PRKCE: variants seen among roughly 807,000 people sequenced by gnomAD.
PRKCE encodes protein kinase C epsilon type.
Under a neutral mutation model 85.4 loss-of-function variants are expected in PRKCE, and 16 were observed. That is an observed-to-expected ratio of 0.19 (90% confidence interval 0.13 to 0.28). PRKCE has a LOEUF of 0.28. Among genes scored for constraint, PRKCE ranks in the 10% least tolerant of loss-of-function variants. PRKCE has a pLI of 1.00. For synonymous variants in PRKCE, 388 were observed against 371.5 expected, an observed-to-expected ratio of 1.04 and a Z score of -0.51; for missense variants, 573 against 975.2, an observed-to-expected ratio of 0.59 and a Z score of 5.49.
At chr2:45,795,097 C>A (rs1687329170) in intron 1 of PRKCE, among the ~76,000 whole-genome samples, 1 of 152,142 alleles carries the variant, frequency 6.6e-6, no homozygotes, top group Non-Finnish European at 1.5e-5. Context: ...TTCTTGAGGT[C>A]CCCCACGGGG....
At chr2:46,022,999 C>T (rs986091047) in intron 10 of PRKCE, among the ~76,000 whole-genome samples, 4 of 145,534 alleles carry the variant, frequency 2.7e-5, no homozygotes, top group Admixed American at 2.1e-4. Context: ...AGGAGAATGG[C>T]GTGAACCCGG....
chr2:45,737,823 G>A (rs1430278041), intron 1 of PRKCE, among the ~76,000 whole-genome samples: 2 of 152,092 alleles, frequency 1.3e-5, no homozygotes, highest in Non-Finnish European at 2.9e-5. Context: ...TGCGTACATT[G>A]CCAAGTGCTT....
intron 6 of PRKCE, among the ~76,000 whole-genome samples, chr2:45,994,750 ATGT>A (rs1481464062): frequency 6.6e-6 from 1 of 152,186 alleles, no homozygotes; most frequent in Non-Finnish European, 1.5e-5. Context: ...ATAAACATCC[ATGT>A]GCGGGTTTTT....
intron 2 of PRKCE, among the ~76,000 whole-genome samples, chr2:45,932,819 C>T (rs1317787241): frequency 1.3e-5 from 2 of 152,166 alleles, no homozygotes; most frequent in Non-Finnish European, 2.9e-5. Flanking sequence ...AATCGTCATG[C>T]TACTTTGTCT....
At chr2:45,975,270 C>T (rs1337836823) in intron 2 of PRKCE, among the ~76,000 whole-genome samples, 1 of 152,164 alleles carries the variant, frequency 6.6e-6, no homozygotes, top group African/African-American at 2.4e-5. Context: ...AGAGCGTAAG[C>T]CCACGATAAA....
At chr2:45,744,408 TTTTCTTTTCTTTCTTTC>T (rs1187516185) in intron 1 of PRKCE, among the ~76,000 whole-genome samples, 5 of 150,984 alleles carry the variant, frequency 3.3e-5, no homozygotes, top group Non-Finnish European at 7.4e-5. Flanking sequence ...TCTCTCTTTC[TTTTCTTTTCTTTCTTTC>T]TTTCTTTCTT....
chr2:45,774,268 G>A lies in PRKCE; in HGVS notation c.349-68732G>A, dbSNP rs906294006. On this transcript the variant is annotated intron_variant, in intron 1 of 14. Transcript: ENST00000306156. This position sits in a 1 kb window ranked among gnomAD's most constrained non-coding sequence, Gnocchi z 4.3. The stretch of plus-strand genomic sequence containing the variant: ...CCCCTCTCTCAGCAGCTGCTTCACA[G>A]CCTCACGGGAGGTGATCGGACACCA... Among the ~76,000 whole-genome samples the A allele has an allele frequency of 6.6e-6, 1 of 152,138 alleles. No homozygotes were observed. Among genetic ancestry groups the A allele is most frequent in the Non-Finnish European group, 1.5e-5 (1 of 68,014 alleles).
chr2:46,052,879 G>A (rs1396113856), intron 10 of PRKCE, among the ~76,000 whole-genome samples: 2 of 152,186 alleles, frequency 1.3e-5, no homozygotes, highest in Non-Finnish European at 2.9e-5. Flanking sequence ...TTTCCAAGAA[G>A]AGTACCAAGA....
chr2:45,969,518 T>C (rs1365777634), intron 2 of PRKCE, among the ~76,000 whole-genome samples: 1 of 152,126 alleles, frequency 6.6e-6, no homozygotes, highest in Non-Finnish European at 1.5e-5. Context: ...GCAACTCTGG[T>C]GTGCAGCGGG....
intron 2 of PRKCE, among the ~76,000 whole-genome samples, chr2:45,917,263 A>T (rs906971111): frequency 5.3e-5 from 8 of 152,202 alleles, no homozygotes; most frequent in African/African-American, 1.7e-4. Context: ...AGTCGCCGCC[A>T]GAGTAGCTAG....
chr2:45,909,995 A>C (rs1169998692), intron 2 of PRKCE, among the ~76,000 whole-genome samples: 6 of 152,070 alleles, frequency 3.9e-5, no homozygotes, highest in Non-Finnish European at 7.3e-5. Flanking sequence ...GCAAGGTAGA[A>C]GTGACAGAGT....
rs70937991 is a variant in PRKCE at position 46,123,214 on chromosome 2, C to CTTTTTTTTTTTTTTTT, written c.1593-21865_1593-21850dup. Among the ~76,000 whole-genome samples, 37 of 27,368 alleles carry CTTTTTTTTTTTTTTTT rather than the reference C, an allele frequency of 1.4e-3. 12 individuals carry two copies. Among genetic ancestry groups the CTTTTTTTTTTTTTTTT allele is most frequent in the African/African-American group, 2.8e-3 (22 of 7,910 alleles). The allele number at this position is 27,368 out of a possible 152,430, so 18.0% of individuals were successfully genotyped here. A position where few individuals can be genotyped will look rare whatever the true frequency, so the allele number is the denominator to read the frequency against. On this transcript the variant is annotated intron_variant, in intron 11 of 14. Transcript: ENST00000306156. The stretch of plus-strand genomic sequence containing the variant: ...AAGCTTTACAAAGGAAAACACTTGC[C>CTTTTTTTTTTTTTTTT]TTTTTTTTTTTTTTTTTTTTTTTTT...
At chr2:45,660,846 A>G (rs1572875952) in intron 1 of PRKCE, among the ~76,000 whole-genome samples, 1 of 152,228 alleles carries the variant, frequency 6.6e-6, no homozygotes, top group East Asian at 1.9e-4. Context: ...GAAGTGGCCA[A>G]AAGTCTGTAC....
intron 10 of PRKCE, among the ~76,000 whole-genome samples, chr2:46,043,541 A>G (rs1708341207): frequency 6.6e-6 from 1 of 152,210 alleles, no homozygotes; most frequent in Non-Finnish European, 1.5e-5. Context: ...CCTATAAGGT[A>G]TTATGGTAAG....
chr2:45,847,559 G>C (rs1183992509), intron 2 of PRKCE, among the ~76,000 whole-genome samples: 1 of 140,028 alleles, frequency 7.1e-6, no homozygotes, highest in African/African-American at 2.7e-5. Context: ...CAAGTGCCCA[G>C]CAGTATTACC....
intron 2 of PRKCE, among the ~76,000 whole-genome samples, chr2:45,949,879 C>A (rs1266083600): frequency 3.5e-5 from 4 of 113,670 alleles, no homozygotes; most frequent in African/African-American, 1.2e-4. Context: ...AGCCTTCATT[C>A]TTTGTTGTTT....
At chr2:45,954,317 G>A (rs1193645471) in intron 2 of PRKCE, among the ~76,000 whole-genome samples, 1 of 152,186 alleles carries the variant, frequency 6.6e-6, no homozygotes, top group African/African-American at 2.4e-5. Context: ...TAGAGGCCAG[G>A]TAGAAAATTT....
At chr2:46,063,876 T>C (rs1286484909) in intron 10 of PRKCE, among the ~76,000 whole-genome samples, 1 of 152,204 alleles carries the variant, frequency 6.6e-6, no homozygotes, top group Non-Finnish European at 1.5e-5. Flanking sequence ...GAGTATTCAT[T>C]TCTAATGACT....
At chr2:45,957,208 A>T (rs1030265521) in intron 2 of PRKCE, among the ~76,000 whole-genome samples, 2 of 152,162 alleles carry the variant, frequency 1.3e-5, no homozygotes, top group Non-Finnish European at 2.9e-5. Flanking sequence ...CCCAAACCCA[A>T]CGTCACAAAG....
Sources: gnomAD v4.1 joint callset for allele counts (sites outside exome capture counted in the v4.1 genomes callset) on GRCh38, gnomAD v4.1.1 for gene constraint, Gnocchi (gnomAD v3.1) non-coding constraint, MANE v1.5 for transcripts, NCBI Gene and HGNC (gene_info 2026-07-23, HGNC 2026-07-21) for gene names.